C4orf36: variants seen among roughly 807,000 people sequenced by gnomAD.
The protein encoded by C4orf36 is chromosome 4 open reading frame 36, also known as uncharacterized protein C4orf36.
A neutral mutation model predicts 12.2 loss-of-function variants in C4orf36; 11 were observed. The ratio of observed to expected loss-of-function variants is 0.90; its 90% CI spans 0.57 to 1.49. C4orf36 has a LOEUF of 1.49. Among genes scored for constraint, C4orf36 ranks in the 40% most tolerant of loss-of-function variants. The probability of loss-of-function intolerance (pLI) is 0.00; values close to 1 mark genes in which losing one functional copy is unlikely to be tolerated. For synonymous variants in C4orf36, 54 were observed against 51.3 expected (o/e 1.05, Z -0.22); for missense variants, 137 against 133.9 (o/e 1.02, Z -0.11).
chr4:86,907,837 C>T, the C4orf36 span, among the ~76,000 whole-genome samples: 7 of 151,656 alleles, frequency 4.6e-5, no homozygotes, highest in African/African-American at 1.2e-4. Context: ...GGCATGGTAG[C>T]GCACGCCTGT....
At chr4:86,914,268 T>C in the C4orf36 span, 1 of 1,602,706 alleles carries the variant, frequency 6.2e-7, no homozygotes, top group Non-Finnish European at 8.5e-7. Context: ...GACATAGGCA[T>C]TGTGGTCTGC....
At chr4:86,898,567 G>A in the C4orf36 span, among the ~76,000 whole-genome samples, 83 of 152,186 alleles carry the variant, frequency 5.5e-4, no homozygotes, top group Middle Eastern at 0.014. Context: ...AATAAAAAGA[G>A]TATATCATTA....
At chr4:86,894,187 G>A (rs1274775244), upstream of C4orf36, among the ~76,000 whole-genome samples, 6 of 152,296 alleles carry the variant, frequency 3.9e-5, no homozygotes, top group East Asian at 1.9e-4. Context: ...GTGAGCCACC[G>A]CGCCCGGTCT....
the C4orf36 span, among the ~76,000 whole-genome samples, chr4:86,909,006 C>T: frequency 6.6e-6 from 1 of 152,248 alleles, no homozygotes; most frequent in South Asian, 2.1e-4. Context: ...GAACTCACCC[C>T]CACCTTTACC....
At chr4:86,906,787 C>A in the C4orf36 span, among the ~76,000 whole-genome samples, 2 of 147,214 alleles carry the variant, frequency 1.4e-5, no homozygotes, top group Non-Finnish European at 3.0e-5. Flanking sequence ...CACCTGTAAT[C>A]CCAGCACTTT....
At chr4:86,909,941 A>G in the C4orf36 span, among the ~76,000 whole-genome samples, 20 of 151,866 alleles carry the variant, frequency 1.3e-4, no homozygotes, top group African/African-American at 4.3e-4. Context: ...AAAATAGCGG[A>G]ACTTCTAGGG....
rs1560471171 is a variant in C4orf36, at chr4:86,884,298, A to ACTTTTTTTTTTTTTTTTTTTTTTTTTTT, written c.*2+3459_*2+3460insAAAAAAAAAAAAAAAAAAAAAAAAAAAG. On this transcript the variant is annotated intron_variant, in intron 4 of 4. Transcript: ENST00000295898. ...AAATTAGGCAGAAGGAAAAAGACTG[A>ACTTTTTTTTTTTTTTTTTTTTTTTTTTT]ATTTTTTTTTTTTTTTTTTTTTTTG... Among the ~76,000 whole-genome samples the ACTTTTTTTTTTTTTTTTTTTTTTTTTTT allele has an allele frequency of 2.4e-5, 3 of 125,250 alleles. 1 individual carries two copies. The allele number at this position is 125,250 out of a possible 152,430, so 82.2% of individuals were successfully genotyped here.
chr4:86,883,280 A>C (rs928529878), intron 4 of C4orf36, among the ~76,000 whole-genome samples: 3 of 152,202 alleles, frequency 2.0e-5, no homozygotes, highest in Admixed American at 6.5e-5. Flanking sequence ...ATTTTTAAAG[A>C]GAAATGATCA....
intron 2 of C4orf36, among the ~76,000 whole-genome samples, chr4:86,890,475 AAATAAAATAATAAT>A (rs943909070): frequency 1.3e-5 from 1 of 77,438 alleles, no homozygotes; most frequent in Non-Finnish European, 2.9e-5. Context: ...TACACAATGC[AAATAAAATAATAAT>A]AATAATAATA....
chr4:86,902,418 CAAAAAAAAAAAA>C, the C4orf36 span, among the ~76,000 whole-genome samples: 17 of 58,958 alleles, frequency 2.9e-4, no homozygotes, highest in Non-Finnish European at 4.8e-4. Context: ...ATGAGACTCT[CAAAAAAAAAAAA>C]AAAAAAAAAA....
At chr4:86,912,095 G>A in the C4orf36 span, among the ~76,000 whole-genome samples, 6 of 151,420 alleles carry the variant, frequency 4.0e-5, no homozygotes, top group Admixed American at 3.9e-4. Flanking sequence ...GGCTGGCCTC[G>A]AACTCCTGAC....
chr4:86,934,031 GACAA>G, the C4orf36 span, among the ~76,000 whole-genome samples: 20 of 152,188 alleles, frequency 1.3e-4, no homozygotes, highest in African/African-American at 3.9e-4. Flanking sequence ...GAGCAGTAGA[GACAA>G]ACAAAATTAA....
At chr4:86,935,832 C>A in the C4orf36 span, 1 of 152,122 alleles carries the variant, frequency 6.6e-6, no homozygotes, top group East Asian at 1.9e-4. Flanking sequence ...GGAGAGGCGT[C>A]TTTAGTATGG....
intron 4 of C4orf36, among the ~76,000 whole-genome samples, chr4:86,878,032 T>A (rs1231929654): frequency 6.6e-6 from 1 of 152,158 alleles, no homozygotes; most frequent in African/African-American, 2.4e-5. Flanking sequence ...ATTTTCTTAT[T>A]CTTACTACTC....
At chr4:86,905,513 A>G in the C4orf36 span, among the ~76,000 whole-genome samples, 2 of 152,160 alleles carry the variant, frequency 1.3e-5, no homozygotes, top group Non-Finnish European at 2.9e-5. Context: ...TGATGGCACC[A>G]TTGCACTCTA....
upstream of C4orf36, among the ~76,000 whole-genome samples, chr4:86,892,583 CAG>C (rs999492393): frequency 6.6e-6 from 1 of 152,240 alleles, no homozygotes; most frequent in African/African-American, 2.4e-5. Flanking sequence ...GCCAACCAGC[CAG>C]AGAGGGCTGT....
chr4:86,917,474 A>AAAG, the C4orf36 span, among the ~76,000 whole-genome samples: 2 of 141,770 alleles, frequency 1.4e-5, no homozygotes, highest in Non-Finnish European at 3.1e-5. Flanking sequence ...AAAAGAAAGA[A>AAAG]ATAAAGAAAA....
intron 4 of C4orf36, chr4:86,876,770 G>A: frequency 7.1e-7 from 1 of 1,417,128 alleles, no homozygotes; most frequent in Non-Finnish European, 9.4e-7. Context: ...AAATAAAATT[G>A]GTTGCAATTT....
the C4orf36 span, chr4:86,924,607 T>G: frequency 6.6e-6 from 1 of 152,474 alleles, no homozygotes; most frequent in South Asian, 2.1e-4. Context: ...CTTCCCAAAG[T>G]GCTGGCATTA....
Sources: gnomAD v4.1 joint callset for allele counts (sites outside exome capture counted in the v4.1 genomes callset) on GRCh38, gnomAD v4.1.1 for gene constraint, MANE v1.5 for transcripts, NCBI Gene and HGNC (gene_info 2026-07-23, HGNC 2026-07-21) for gene names.